Variants in DAPK1 observed in about 807,000 individuals in gnomAD.
DAPK1 encodes the protein death associated protein kinase 1.
In DAPK1, 56 loss-of-function variants were observed where a neutral mutation model predicts 144.9. That is an observed-to-expected ratio of 0.39 (90% confidence interval 0.31 to 0.48). The LOEUF is 0.48. Ranked by LOEUF, DAPK1 falls within the 20% of genes least tolerant of loss-of-function variation. The pLI, the probability that DAPK1 is intolerant of heterozygous loss-of-function variation, is 0.95. For missense variants in DAPK1, 1,454 were observed against 1,875.4 expected, an observed-to-expected ratio of 0.78 and a Z score of 4.15; for synonymous variants, 690 against 749.0, an observed-to-expected ratio of 0.92 and a Z score of 1.29.
chr9:87,689,758 G>C (rs1002949625), intron 21 of DAPK1, among the ~76,000 whole-genome samples: 2 of 152,118 alleles, frequency 1.3e-5, no homozygotes, highest in African/African-American at 4.8e-5. Flanking sequence ...TTATTTACAA[G>C]GGTGTTCTTT....
chr9:87,658,069 TC>T lies in DAPK1; in HGVS notation c.1867del (p.Leu623Ter). The T allele has an allele frequency of 6.4e-7, 1 of 1,553,768 alleles. No individual in the cohort carries two copies. The highest frequency in any genetic ancestry group is 8.9e-7 in the Non-Finnish European group (1 of 1,125,454). On this transcript the variant is annotated frameshift_variant, in exon 18 of 26. Transcript: ENST00000408954. LOFTEE classifies it high-confidence loss of function. ...TPLHLAANNG[I>X]LDVVRYLCLM... ...CTGCACCTTGCGGCCAACAACGGAATCCTAGACGTGGTCCGGTATCTCTGTC... is the reference window on the plus strand; with the variant it reads ...CTGCACCTTGCGGCCAACAACGGAATCTAGACGTGGTCCGGTATCTCTGTC...
intron 2 of DAPK1, among the ~76,000 whole-genome samples, chr9:87,537,929 G>T (rs989906121): frequency 2.0e-5 from 3 of 152,196 alleles, no homozygotes; most frequent in Non-Finnish European, 4.4e-5. Context: ...ATTTACAAAA[G>T]TAGTGGCTGC....
At chr9:87,536,154 C>T (rs1198214665) in intron 2 of DAPK1, among the ~76,000 whole-genome samples, 1 of 152,156 alleles carries the variant, frequency 6.6e-6, no homozygotes, top group African/African-American at 2.4e-5. Flanking sequence ...AGTTTGGTGT[C>T]CTCAAAGCAG....
intron 18 of DAPK1, among the ~76,000 whole-genome samples, chr9:87,665,822 C>T (rs1226781139): frequency 6.6e-6 from 1 of 152,184 alleles, no homozygotes; most frequent in Non-Finnish European, 1.5e-5. Flanking sequence ...ACAAGAGACA[C>T]CGTGATTTCT....
Position 87,518,099 on chromosome 9 carries a change from G to GGT in DAPK1, c.62+18960_62+18961insGT, listed in dbSNP as rs763027342. 4.5e-4 allele frequency among the ~76,000 whole-genome samples: 57 copies of GGT among 126,036 alleles called. 1 individual carries two copies. Among genetic ancestry groups the GGT allele is most frequent in the African/African-American group, 1.8e-3 (54 of 29,194 alleles). 82.7% of individuals were successfully genotyped at this position (126,036 alleles called of 152,430 possible). On this transcript the variant is annotated intron_variant, in intron 2 of 25. Coordinates refer to ENST00000408954, the MANE Select transcript of DAPK1 (RefSeq NM_004938.4). ...TTGCCCTGGAATATTTGCCGTTTAT[G>GGT]TTGTTGTTTTTTTTTTTTTTTTTTT...
At chr9:87,529,739 G>T (rs1825640358) in intron 2 of DAPK1, among the ~76,000 whole-genome samples, 1 of 152,228 alleles carries the variant, frequency 6.6e-6, no homozygotes. Context: ...AGGCTGCCTG[G>T]AGCAAAGAAG....
chr9:87,571,527 A>ACACACACACACC (rs1554684291), intron 2 of DAPK1, among the ~76,000 whole-genome samples: 6 of 141,296 alleles, frequency 4.2e-5, no homozygotes, highest in African/African-American at 1.4e-4. Context: ...ACACACACAC[A>ACACACACACACC]CCAGAAGCGA....
chr9:87,575,261 T>G (rs183044402), intron 2 of DAPK1, among the ~76,000 whole-genome samples: 96 of 116,512 alleles, frequency 8.2e-4, no homozygotes, highest in Non-Finnish European at 1.3e-3. Context: ...TAAAATAAAA[T>G]AAAATAAAAT....
intron 2 of DAPK1, among the ~76,000 whole-genome samples, chr9:87,508,201 G>A (rs1178645404): frequency 2.0e-5 from 3 of 151,108 alleles, no homozygotes; most frequent in Non-Finnish European, 2.9e-5. Context: ...TAGTAGAGAC[G>A]GGGTTTCACC....
chr9:87,683,686 G>A (rs1021760118), intron 20 of DAPK1, among the ~76,000 whole-genome samples: 11 of 152,206 alleles, frequency 7.2e-5, no homozygotes, highest in African/African-American at 2.7e-4. Flanking sequence ...TCTGTGTCTG[G>A]TCTTTGCAGC....
At chr9:87,684,232 C>T (rs1824748228) in intron 20 of DAPK1, among the ~76,000 whole-genome samples, 1 of 152,216 alleles carries the variant, frequency 6.6e-6, no homozygotes, top group African/African-American at 2.4e-5. Context: ...CTTTGTTAGA[C>T]ACCCGAGGAA....
intron 3 of DAPK1, among the ~76,000 whole-genome samples, chr9:87,615,641 T>C (rs1033938240): frequency 2.6e-5 from 4 of 152,222 alleles, no homozygotes; most frequent in Admixed American, 2.0e-4. Context: ...AGAGAGGATA[T>C]GGTTAAACAA....
intron 2 of DAPK1, among the ~76,000 whole-genome samples, chr9:87,591,280 G>T (rs1453156549): frequency 5.3e-5 from 8 of 152,230 alleles, no homozygotes; most frequent in Admixed American, 5.2e-4. Flanking sequence ...AGCTCCCACA[G>T]GGCCAGTTGG....
intron 18 of DAPK1, among the ~76,000 whole-genome samples, chr9:87,662,986 G>A (rs1830917463): frequency 6.6e-6 from 1 of 152,020 alleles, no homozygotes; most frequent in Non-Finnish European, 1.5e-5. Context: ...CTTCCTGGAA[G>A]GCCCAGCACC....
intron 2 of DAPK1, among the ~76,000 whole-genome samples, chr9:87,523,641 CT>C (rs1245218858): frequency 1.3e-5 from 2 of 152,156 alleles, no homozygotes; most frequent in African/African-American, 4.8e-5. Context: ...ATAATTTCTT[CT>C]AGTACTTTGA....
chr9:87,526,770 A>G (rs1397288827), intron 2 of DAPK1, among the ~76,000 whole-genome samples: 1 of 152,152 alleles, frequency 6.6e-6, no homozygotes, highest in African/African-American at 2.4e-5. Flanking sequence ...GCCGTGCCCA[A>G]GTCTGATTGA....
intron 17 of DAPK1, among the ~76,000 whole-genome samples, chr9:87,655,882 C>T (rs1830612407): frequency 6.6e-6 from 1 of 152,202 alleles, no homozygotes; most frequent in Non-Finnish European, 1.5e-5. Flanking sequence ...GAGAGGACTC[C>T]CTGCCTGTCA....
At chr9:87,514,741 T>C (rs1372248809) in intron 2 of DAPK1, among the ~76,000 whole-genome samples, 1 of 152,194 alleles carries the variant, frequency 6.6e-6, no homozygotes, top group African/African-American at 2.4e-5. Flanking sequence ...GAAAAAGCAA[T>C]TGCTCAAATT....
chr9:87,629,411 G>T (rs1016840468), intron 3 of DAPK1, among the ~76,000 whole-genome samples: 1 of 152,292 alleles, frequency 6.6e-6, no homozygotes, highest in East Asian at 1.9e-4. Flanking sequence ...CCTTGATTTT[G>T]GACTTGTAAC....
Sources: allele counts gnomAD v4.1 joint callset (sites outside exome capture counted in the v4.1 genomes callset), GRCh38; gene constraint gnomAD v4.1.1; transcripts MANE v1.5; gene names NCBI Gene and HGNC (gene_info 2026-07-23, HGNC 2026-07-21).